TMEM41B: variants seen among roughly 807,000 people sequenced by gnomAD.
The protein encoded by TMEM41B is protein stasimon.
TMEM41B carries 18 observed loss-of-function variants against 31.9 expected under a neutral mutation model. That is an observed-to-expected ratio of 0.56 (90% CI 0.39 to 0.84). The LOEUF (loss-of-function observed/expected upper bound fraction) is 0.84, where lower values mean the gene tolerates loss of function less well. Among genes scored for constraint, TMEM41B ranks in the 40% least tolerant of loss-of-function variants. TMEM41B has a pLI of 0.00. For missense variants in TMEM41B, 322 were observed against 348.0 expected, an observed-to-expected ratio of 0.93 and a Z score of 0.59; for synonymous variants, 144 against 124.3, an observed-to-expected ratio of 1.16 and a Z score of -1.05.
rs904053797 is a variant in TMEM41B at position 9,286,541 on chromosome 11, G to A, written c.620C>T (p.Thr207Ile). Reference protein sequence around the residue: ...LINYIIFLRITPFLPNWFINI... With the variant: ...LINYIIFLRIIPFLPNWFINI... ...AATAAACCAATTAGGCAGAAATGGT[G>A]TTATTCTCAAAAATATAATGTAGTT... Residue 207 changes from threonine to isoleucine, a missense_variant, in exon 6 of 7, where the codon ACA becomes ATA. By Grantham distance (89) the Thr-to-Ile change is moderately conservative. Coordinates refer to ENST00000528080, the MANE Select transcript of TMEM41B (RefSeq NM_015012.4). The A allele has an allele frequency of 1.9e-6, 3 of 1,612,860 alleles. No homozygotes were observed. The highest frequency in any genetic ancestry group is 8.5e-7 in the Non-Finnish European group (1 of 1,179,360).
chr11:9,288,686 C>T (rs1286115517), intron 3 of TMEM41B, 151 bp from the exon 4 acceptor site: 2 of 547,464 alleles, frequency 3.7e-6, no homozygotes, highest in African/African-American at 1.9e-5. Flanking sequence ...ATTTACTAAA[C>T]AGTATCATAA....
At chr11:9,295,185 T>C (rs1853053784) in intron 3 of TMEM41B, 74 bp downstream of exon 3, 1 of 1,323,592 alleles carries the variant, frequency 7.6e-7, no homozygotes, top group Non-Finnish European at 1.0e-6. Flanking sequence ...AATAGTTATG[T>C]ATAAATGAAG....
At position 9,287,797 on chromosome 11, in the gene TMEM41B, G is replaced by A; in HGVS notation, c.472C>T (p.Leu158Phe). ...ALFLVCLCSG[L>F]GASFCYMLSY... is the part of the protein sequence containing the mutation. ...AGCATATAACAGAAAGAGGCACCAA[G>A]TCCAGAACACTGGAAAACAAAAGAA... The change falls in exon 5 of 7, where the codon CTT (leucine) becomes TTT (phenylalanine). Residue 158 changes from leucine (L) to phenylalanine (F), a missense_variant. By Grantham distance (22) the Leu-to-Phe change is conservative. Around this residue, in one of 3 missense-constraint regions of TMEM41B, gnomAD observed 47 missense variants for 84.8 expected, o/e 0.55. Coordinates refer to ENST00000528080, the MANE Select transcript of TMEM41B (RefSeq NM_015012.4). The A allele has an allele frequency of 6.2e-7, 1 of 1,610,260 alleles. No homozygotes were observed. Among genetic ancestry groups the A allele is most frequent in the Non-Finnish European group, 8.5e-7 (1 of 1,178,566 alleles).
intron 2 of TMEM41B, among the ~76,000 whole-genome samples, chr11:9,298,030 C>G (rs1443811583): frequency 7.3e-6 from 1 of 137,652 alleles, no homozygotes; most frequent in Admixed American, 8.0e-5. Context: ...TGCCACTACA[C>G]TTCAGCCTGG....
At chr11:9,304,931 C>T (rs1482731750) in intron 1 of TMEM41B, among the ~76,000 whole-genome samples, 1 of 152,080 alleles carries the variant, frequency 6.6e-6, no homozygotes, top group Non-Finnish European at 1.5e-5. Context: ...GCTGGAATTA[C>T]AGGCGTGAGC....
rs1470080894 is a variant in TMEM41B at position 9,311,496 on chromosome 11, T to TGTG, written c.121+2822_121+2824dup. 5 of 1,414,882 alleles carry TGTG rather than the reference T, an allele frequency of 3.5e-6. No individual in the cohort carries two copies. The East Asian group carries it at 1.1e-4, about 32-fold the overall frequency. 87.6% of individuals were successfully genotyped at this position (1,414,882 alleles called of 1,614,324 possible). The stretch of plus-strand genomic sequence containing the variant: ...GGATTGGCATCCTGGATACCCTGGC[T>TGTG]GTGGCACAGGATGAGGGGGCCAACC... On this transcript the variant is annotated intron_variant, in intron 1 of 6. Coordinates refer to ENST00000528080, the MANE Select transcript of TMEM41B (RefSeq NM_015012.4).
At chr11:9,293,229 A>G (rs907079097) in intron 3 of TMEM41B, among the ~76,000 whole-genome samples, 1 of 151,926 alleles carries the variant, frequency 6.6e-6, no homozygotes, top group African/African-American at 2.4e-5. Context: ...CAGCCTCCCA[A>G]GTAGCTAGGA....
intron 1 of TMEM41B, among the ~76,000 whole-genome samples, chr11:9,307,646 T>C (rs1853433528): frequency 6.6e-6 from 1 of 151,756 alleles, no homozygotes; most frequent in Non-Finnish European, 1.5e-5. Flanking sequence ...TTCTCCATGT[T>C]GGTCAGGCTG....
At chr11:9,307,800 C>T (rs377716935) in intron 1 of TMEM41B, among the ~76,000 whole-genome samples, 11 of 151,758 alleles carry the variant, frequency 7.2e-5, no homozygotes, top group African/African-American at 1.9e-4. Context: ...GGCTGGAGTG[C>T]AGTGGCGCAA....
At chr11:9,294,744 T>C (rs1237357620) in intron 3 of TMEM41B, among the ~76,000 whole-genome samples, 2 of 151,936 alleles carry the variant, frequency 1.3e-5, no homozygotes, top group Non-Finnish European at 2.9e-5. Context: ...TCAAAAATTG[T>C]AAAAAACATT....
intron 3 of TMEM41B, among the ~76,000 whole-genome samples, chr11:9,289,979 CTT>C (rs1852917376): frequency 6.6e-6 from 1 of 152,104 alleles, no homozygotes; most frequent in Non-Finnish European, 1.5e-5. Flanking sequence ...TCGAAATTCT[CTT>C]TGGTTCATCA....
chr11:9,295,440 A>G, intron 2 of TMEM41B, 53 bp from the exon 3 acceptor site: 1 of 1,032,840 alleles, frequency 9.7e-7, no homozygotes, highest in South Asian at 1.5e-5. Context: ...AGATAATATC[A>G]AAGTCAAGTT....
intron 1 of TMEM41B, among the ~76,000 whole-genome samples, chr11:9,312,082 C>A (rs1853574152): frequency 2.0e-5 from 3 of 152,282 alleles, no homozygotes; most frequent in Admixed American, 2.0e-4. Flanking sequence ...ACCTCATCGC[C>A]TACTACCACC....
rs767923058 is a variant in TMEM41B at position 9,283,388 on chromosome 11, G to T, written c.*36C>A. On this transcript the variant is annotated 3_prime_UTR_variant, in exon 7 of 7. Transcript: ENST00000528080. ...GGATGCACCTGTTAATCCTGAGATG[G>T]TGATGACAGCAAAACTAAAAATCAG... The T allele has an allele frequency of 4.6e-6, 7 of 1,537,228 alleles. No individual in the cohort carries two copies. The South Asian group carries it at 5.9e-5, about 13-fold the overall frequency.
chr11:9,288,774 T>C (rs1361803175), intron 3 of TMEM41B, among the ~76,000 whole-genome samples: 1 of 152,074 alleles, frequency 6.6e-6, no homozygotes, highest in Non-Finnish European at 1.5e-5. Flanking sequence ...ACCGGGCACT[T>C]TGGGGGAGGA....
intron 3 of TMEM41B, among the ~76,000 whole-genome samples, chr11:9,291,212 G>T (rs1445066034): frequency 2.0e-5 from 3 of 151,936 alleles, no homozygotes; most frequent in African/African-American, 7.3e-5. Flanking sequence ...ATGAGGTCAG[G>T]AGTTCAAAGA....
chr11:9,286,204 T>C (rs1426905311), intron 6 of TMEM41B, among the ~76,000 whole-genome samples: 1 of 107,100 alleles, frequency 9.3e-6, no homozygotes, highest in Non-Finnish European at 2.1e-5. Flanking sequence ...GAAGTCCTGC[T>C]TAACCCTATA....
At chr11:9,298,459 C>CA (rs1198107922) in intron 2 of TMEM41B, among the ~76,000 whole-genome samples, 957 of 61,216 alleles carry the variant, frequency 0.016, 13 homozygotes, top group African/African-American at 0.059. Flanking sequence ...AACTCAGTCT[C>CA]AAAAAAAAAA....
chr11:9,290,419 C>T (rs1852929480), intron 3 of TMEM41B, among the ~76,000 whole-genome samples: 1 of 152,064 alleles, frequency 6.6e-6, no homozygotes, highest in Non-Finnish European at 1.5e-5. Context: ...GATAGTTTCA[C>T]ACATATGTAA....
Sources: allele counts gnomAD v4.1 joint callset (sites outside exome capture counted in the v4.1 genomes callset), GRCh38; gene constraint gnomAD v4.1.1; regional missense constraint gnomAD v4.1.1; transcripts MANE v1.5; gene names NCBI Gene and HGNC (gene_info 2026-07-23, HGNC 2026-07-21).